Variants in SEMG2 observed in about 807,000 individuals in gnomAD.
The protein encoded by SEMG2 is semenogelin-2.
A neutral mutation model predicts 8.1 loss-of-function variants in SEMG2; 3 were observed. The observed-to-expected ratio is 0.37, with a 90% CI of 0.17 to 0.96. The LOEUF is 0.96. Ranked by LOEUF, SEMG2 falls within the 40% of genes least tolerant of loss-of-function variation. The probability of loss-of-function intolerance (pLI) is 0.41; values close to 1 mark genes in which losing one functional copy is unlikely to be tolerated. For synonymous variants in SEMG2, 252 were observed against 231.4 expected (o/e 1.09, Z -0.81); for missense variants, 726 against 671.2 (o/e 1.08, Z -0.90).
chr20:45,222,766 T>A lies in SEMG2; in HGVS notation c.1134T>A (p.Thr378=), dbSNP rs1233272418. The A allele has an allele frequency of 6.2e-7, 1 of 1,614,032 alleles. No individual in the cohort carries two copies. The highest frequency in any genetic ancestry group is 1.1e-5 in the South Asian group (1 of 91,070). Residue 378 remains threonine, a synonymous_variant, in exon 2 of 3, where the codon ACT becomes ACA. Coordinates refer to ENST00000372769, the MANE Select transcript of SEMG2 (RefSeq NM_003008.3). ...CCAAAGGCAGTATTTCGATCCAAAC[T>A]GAAGAGCAAATACATGGCAAGTCTC... ...GVSKGSISIQ[T]EEQIHGKSQN...
Position 45,222,446 on chromosome 20 carries a change from A to G in SEMG2, c.814A>G (p.Asn272Asp). Residue 272 changes from asparagine to aspartate, a missense_variant, in exon 2 of 3, where the codon AAT (asparagine) becomes GAT (aspartate). By Grantham distance (23) the Asn-to-Asp change is conservative (BLOSUM62 1). Coordinates refer to ENST00000372769, the MANE Select transcript of SEMG2 (RefSeq NM_003008.3). ...TAACAAGAATCAACACCAGACAAAA[A>G]ATCTCAGTCAAGATCAAGAGCATGG... ...VYNKNQHQTK[N>D]LSQDQEHGRK... 6.2e-7 allele frequency: 1 copy of G among 1,614,122 alleles called. No individual in the cohort carries two copies. Among genetic ancestry groups the G allele is most frequent in the Non-Finnish European group, 8.5e-7 (1 of 1,179,996 alleles).
Position 45,222,902 on chromosome 20 carries a change from G to C in SEMG2, c.1270G>C (p.Asp424His). The C allele has an allele frequency of 6.2e-7, 1 of 1,608,304 alleles. No individual in the cohort carries two copies. Residue 424 changes from aspartate to histidine, a missense_variant, in exon 2 of 3, where the codon GAT becomes CAT. Asp to His is a moderately conservative substitution (Grantham distance 81, BLOSUM62 -1). Transcript: ENST00000372769. ...AAGACGTCTCAACAGTGGAGAAAAG[G>C]ATGTACAGAAAGGTGTATCCAAAGG... ...EERRLNSGEK[D>H]VQKGVSKGSI... is the part of the protein sequence containing the mutation.
At position 45,224,285 on chromosome 20, in the gene SEMG2, C is replaced by T. The variant is rs1984090803; in HGVS notation, c.*45-6C>T. The T allele has an allele frequency of 6.6e-6, 1 of 152,272 alleles. No individual in the cohort carries two copies. The highest frequency in any genetic ancestry group is 6.5e-5 in the Admixed American group (1 of 15,274). The allele number at this position is 152,272 out of a possible 1,614,324, so 9.4% of individuals were successfully genotyped here. A position where few individuals can be genotyped will look rare whatever the true frequency, so the allele number is the denominator to read the frequency against. ...TCACATATCTGGTTGTCTTTTTTCTCCCTAGGTGTCACCCGACCTCAGTGA... is the reference window on the plus strand; with the variant it reads ...TCACATATCTGGTTGTCTTTTTTCTTCCTAGGTGTCACCCGACCTCAGTGA... On this transcript the variant is annotated splice_region_variant and splice_polypyrimidine_tract_variant and intron_variant, in intron 2 of 2. Transcript: ENST00000372769.
At position 45,223,358 on chromosome 20, in the gene SEMG2, G is replaced by A. The variant is rs1223372306; in HGVS notation, c.1726G>A (p.Asp576Asn). ...DDHLTQQYNE[D>N]RNPIST ...TCATTTGACACAACAATATAATGAA[G>A]ACAGAAATCCAATATCTACATAGCC... is the stretch of plus-strand genomic sequence containing the variant. The change falls in exon 2 of 3, where the codon GAC (aspartate) becomes AAC (asparagine). Residue 576 changes from aspartate to asparagine, a missense_variant. Asp to Asn is a conservative substitution (Grantham distance 23). Coordinates refer to ENST00000372769, the MANE Select transcript of SEMG2 (RefSeq NM_003008.3). 6.2e-7 allele frequency: 1 copy of A among 1,612,586 alleles called. No homozygotes were observed. The highest frequency in any genetic ancestry group is 8.5e-7 in the Non-Finnish European group (1 of 1,179,180).
rs1294939173 is a variant in SEMG2, at chr20:45,223,067, A to C, written c.1435A>C (p.Asn479His). Residue 479 changes from asparagine (N) to histidine (H), a missense_variant, in exon 2 of 3, where the codon AAC becomes CAC. Transcript: ENST00000372769. ...QSSSTEERRLNYGGKSTQKDV... is the reference protein window; with the variant it reads ...QSSSTEERRLHYGGKSTQKDV... ...TTCAAGTACAGAAGAAAGACGACTC[A>C]ACTATGGAGGAAAGAGCACGCAGAA... The C allele has an allele frequency of 1.9e-6, 3 of 1,614,054 alleles. No individual in the cohort carries two copies. The highest frequency in any genetic ancestry group is 2.5e-6 in the Non-Finnish European group (3 of 1,180,038).
chr20:45,223,459 G>A (rs2145592529), intron 2 of SEMG2, 34 bp downstream of exon 2: 7 of 983,344 alleles, frequency 7.1e-6, no homozygotes, highest in Non-Finnish European at 1.1e-5. Flanking sequence ...TAGGAGAGGT[G>A]CCTGTCCCAA....
rs1984037204 is a variant in SEMG2, at chr20:45,222,330, A to G, written c.698A>G (p.Lys233Arg). The G allele has an allele frequency of 6.2e-7, 1 of 1,613,976 alleles. No homozygotes were observed. Among genetic ancestry groups the G allele is most frequent in the Admixed American group, 1.7e-5 (1 of 60,002 alleles). ...VVDVREEHSS[K>R]LQTSLHPAHQ... ...GACGTGAGAGAGGAACATTCAAGTA[A>G]ACTACAAACTTCACTCCATCCTGCA... Residue 233 changes from lysine (K) to arginine (R), a missense_variant, in exon 2 of 3, where the codon AAA (lysine) becomes AGA (arginine). Lys to Arg is a conservative substitution (Grantham distance 26). Transcript: ENST00000372769.
At position 45,221,776 on chromosome 20, in the gene SEMG2, T is replaced by C. The variant is rs1461804995; in HGVS notation, c.144T>C (p.Tyr48=). The change falls in exon 2 of 3, where the codon TAT becomes TAC. Residue 48 remains tyrosine (Y), a synonymous_variant. Transcript: ENST00000372769. ...CACATGGACAAAAGGGCCAGCACTA[T>C]TTTGGACAAAAAGACCAACAACATA... is the stretch of plus-strand genomic sequence containing the variant. ...QFPHGQKGQH[Y]FGQKDQQHTK... The C allele has an allele frequency of 1.4e-5, 22 of 1,613,958 alleles. No individual in the cohort carries two copies. Among genetic ancestry groups the C allele is most frequent in the Admixed American group, 1.7e-5 (1 of 59,996 alleles).
intron 2 of SEMG2, among the ~76,000 whole-genome samples, chr20:45,223,856 C>G (rs1984082696): frequency 6.6e-6 from 1 of 151,948 alleles, no homozygotes; most frequent in Non-Finnish European, 1.5e-5. Flanking sequence ...TTCTTGCATC[C>G]CTGTTAGAGT....
chr20:45,222,521 C>T lies in SEMG2; in HGVS notation c.889C>T (p.Gln297Ter), dbSNP rs1361128424. 2 of 1,613,942 alleles carry T rather than the reference C, an allele frequency of 1.2e-6. No individual in the cohort carries two copies. Among genetic ancestry groups the T allele is most frequent in the Admixed American group, 3.3e-5 (2 of 59,978 alleles). The change falls in exon 2 of 3, where the codon CAA (glutamine) becomes TAA (stop). Residue 297 changes from glutamine (Q) to a stop codon, truncating the protein, a stop_gained. Coordinates refer to ENST00000372769, the MANE Select transcript of SEMG2 (RefSeq NM_003008.3). LOFTEE classifies it low-confidence loss of function (END_TRUNC). ...CCCGTCTTCACGTACAGAAGAAAGA[C>T]AACTTCACCATGGAGAAAAGAGTGT... ...SYPSSRTEER[Q>*]LHHGEKSVQK...
rs1262646233 is a variant in SEMG2, at chr20:45,222,008, A to G, written c.376A>G (p.Ile126Val). The change falls in exon 2 of 3, where the codon ATA (isoleucine) becomes GTA (valine). Residue 126 changes from isoleucine to valine, a missense_variant. Coordinates refer to ENST00000372769, the MANE Select transcript of SEMG2 (RefSeq NM_003008.3). Reference protein sequence around the residue: ...HDKSKGHFHMIVIHHKGGQAH... With the variant: ...HDKSKGHFHMVVIHHKGGQAH... The stretch of plus-strand genomic sequence containing the variant: ...TAAATCAAAAGGTCATTTTCACATG[A>G]TAGTTATACATCATAAAGGAGGCCA... 5 of 1,614,046 alleles carry G rather than the reference A, an allele frequency of 3.1e-6. No homozygotes were observed. The highest frequency in any genetic ancestry group is 3.4e-6 in the Non-Finnish European group (4 of 1,180,020).
chr20:45,223,718 G>A (rs1040888418), intron 2 of SEMG2, among the ~76,000 whole-genome samples: 1 of 152,022 alleles, frequency 6.6e-6, no homozygotes, highest in Non-Finnish European at 1.5e-5. Context: ...GACTATATAT[G>A]CATATTTATG....
Position 45,223,366 on chromosome 20 carries a change from T to A in SEMG2, c.1734T>A (p.Asn578Lys). 6.2e-7 allele frequency: 1 copy of A among 1,611,378 alleles called. No individual in the cohort carries two copies. The highest frequency in any genetic ancestry group is 8.5e-7 in the Non-Finnish European group (1 of 1,178,088). Reference sequence around the variant, plus strand: ...CACAACAATATAATGAAGACAGAAATCCAATATCTACATAGCCCTGTTGCT... The same window carrying A: ...CACAACAATATAATGAAGACAGAAAACCAATATCTACATAGCCCTGTTGCT... ...HLTQQYNEDR[N>K]PIST The change falls in exon 2 of 3, where the codon AAT (asparagine) becomes AAA (lysine). Residue 578 changes from asparagine to lysine, a missense_variant. By Grantham distance (94) the Asn-to-Lys change is moderately conservative. Coordinates refer to ENST00000372769, the MANE Select transcript of SEMG2 (RefSeq NM_003008.3).
At position 45,222,429 on chromosome 20, in the gene SEMG2, A is replaced by C. The variant is rs756905476; in HGVS notation, c.797A>C (p.Asn266Thr). 1 of 1,614,130 alleles carries C rather than the reference A, an allele frequency of 6.2e-7. No individual in the cohort carries two copies. The highest frequency in any genetic ancestry group is 8.5e-7 in the Non-Finnish European group (1 of 1,180,008). ...TQDELLVYNK[N>T]QHQTKNLSQD... ...GATGAGCTCCTAGTATATAACAAGAATCAACACCAGACAAAAAATCTCAGT... is the reference window on the plus strand; with the variant it reads ...GATGAGCTCCTAGTATATAACAAGACTCAACACCAGACAAAAAATCTCAGT... Residue 266 changes from asparagine (N) to threonine (T), a missense_variant, in exon 2 of 3, where the codon AAT (asparagine) becomes ACT (threonine). Physicochemically the swap from Asn to Thr is moderately conservative, Grantham distance 65 (BLOSUM62 0). Transcript: ENST00000372769.
In SEMG2 at chr20:45,221,676, A is replaced by G. The variant is rs756635939; in HGVS notation, c.77-33A>G. ...GAGTTGCAAGAGAGCTTTGGAGATA[A>G]TGAATGCATACATTTCTATTATCAA... On this transcript the variant is annotated intron_variant, in intron 1 of 2. Transcript: ENST00000372769. The G allele has an allele frequency of 2.6e-6, 4 of 1,528,872 alleles. No individual in the cohort carries two copies. In the South Asian group the frequency reaches 5.0e-5, roughly 19 times the overall value. 94.7% of individuals were successfully genotyped at this position (1,528,872 alleles called of 1,614,324 possible).
In SEMG2 at chr20:45,221,836, A is replaced by G. The variant is rs1163798661; in HGVS notation, c.204A>G (p.Thr68=). The G allele has an allele frequency of 6.2e-7, 1 of 1,614,092 alleles. No homozygotes were observed. The highest frequency in any genetic ancestry group is 1.3e-5 in the African/African-American group (1 of 74,944). The change falls in exon 2 of 3, where the codon ACA becomes ACG. Residue 68 remains threonine, a synonymous_variant. Coordinates refer to ENST00000372769, the MANE Select transcript of SEMG2 (RefSeq NM_003008.3). ...AAGGCAGTTTTTCTATTCAACACAC[A>G]TATCATGTAGACATCAATGATCATG... is the stretch of plus-strand genomic sequence containing the variant. ...KSKGSFSIQH[T]YHVDINDHDW... is the part of the protein sequence containing the mutation.
Position 45,222,700 on chromosome 20 carries a change from A to G in SEMG2, c.1068A>G (p.Arg356=), listed in dbSNP as rs765971340. ...ACCAATCTTCAAGTACAGAAGAAAG[A>G]CATCTCAACTGTGGAGAAAAGGGCA... ...ISYQSSSTEE[R]HLNCGEKGIQ... The change falls in exon 2 of 3, where the codon AGA becomes AGG. Residue 356 remains arginine, a synonymous_variant. Transcript: ENST00000372769. The G allele has an allele frequency of 1.2e-6, 2 of 1,613,778 alleles. No homozygotes were observed. Among genetic ancestry groups the G allele is most frequent in the Middle Eastern group, 1.7e-4 (1 of 6,060 alleles).
In SEMG2 at chr20:45,222,644, G is replaced by A; in HGVS notation, c.1012G>A (p.Glu338Lys). 2.5e-6 allele frequency: 4 copies of A among 1,613,954 alleles called. No individual in the cohort carries two copies. Among genetic ancestry groups the A allele is most frequent in the Non-Finnish European group, 3.4e-6 (4 of 1,179,942 alleles). ...GGTAACAATTCATAGTCAAGATCAAGAGCATGGCCATAAGGAAAATAAAAT... is the reference window on the plus strand; with the variant it reads ...GGTAACAATTCATAGTCAAGATCAAAAGCATGGCCATAAGGAAAATAAAAT... ...NQVTIHSQDQ[E>K]HGHKENKISY... Residue 338 changes from glutamate to lysine, a missense_variant, in exon 2 of 3, where the codon GAG (glutamate) becomes AAG (lysine). By Grantham distance (56) the Glu-to-Lys change is moderately conservative. Transcript: ENST00000372769.
Position 45,222,700 on chromosome 20 carries a change from A to T in SEMG2, c.1068A>T (p.Arg356Ser), listed in dbSNP as rs765971340. 6.2e-7 allele frequency: 1 copy of T among 1,613,778 alleles called. No individual in the cohort carries two copies. Among genetic ancestry groups the T allele is most frequent in the South Asian group, 1.1e-5 (1 of 91,064 alleles). ...ACCAATCTTCAAGTACAGAAGAAAG[A>T]CATCTCAACTGTGGAGAAAAGGGCA... is the stretch of plus-strand genomic sequence containing the variant. ...ISYQSSSTEE[R>S]HLNCGEKGIQ... Residue 356 changes from arginine (R) to serine (S), a missense_variant, in exon 2 of 3, where the codon AGA (arginine) becomes AGT (serine). Coordinates refer to ENST00000372769, the MANE Select transcript of SEMG2 (RefSeq NM_003008.3).
Sources: gnomAD v4.1 joint callset for allele counts (sites outside exome capture counted in the v4.1 genomes callset) on GRCh38, gnomAD v4.1.1 for gene constraint, MANE v1.5 for transcripts, NCBI Gene and HGNC (gene_info 2026-07-23, HGNC 2026-07-21) for gene names.